The following FGD4 variants were observed in gnomAD, a reference collection of about 807,000 sequenced individuals.
The protein encoded by FGD4 is FYVE, RhoGEF and PH domain containing 4, also known as FYVE, RhoGEF and PH domain-containing protein 4.
Under a neutral mutation model 102.0 loss-of-function variants are expected in FGD4, and 42 were observed. That is an observed-to-expected ratio of 0.41 (90% confidence interval 0.32 to 0.53). The LOEUF is 0.53. Among genes scored for constraint, FGD4 ranks in the 20% least tolerant of loss-of-function variants. The pLI is 0.21. For missense variants in FGD4, 902 were observed against 1,078.2 expected (o/e 0.84, Z 2.29); for synonymous variants, 380 against 375.7 (o/e 1.01, Z -0.13).
chr12:32,415,594 T>G (rs1007206675), intron 1 of FGD4, among the ~76,000 whole-genome samples: 96 of 152,006 alleles, frequency 6.3e-4, no homozygotes, highest in African/African-American at 2.2e-3. Context: ...GGCTAATTTA[T>G]TGTATTTTTA....
At chr12:32,400,010 G>A in intron 1 of FGD4, 51 bp downstream of exon 1, 4 of 1,412,486 alleles carry the variant, frequency 2.8e-6, no homozygotes, top group Non-Finnish European at 3.7e-6. Context: ...GTAGGTGCGG[G>A]TGAGGGGCGC....
At chr12:32,523,197 T>C (rs1267463932) in intron 1 of FGD4, among the ~76,000 whole-genome samples, 2 of 152,202 alleles carry the variant, frequency 1.3e-5, no homozygotes, top group African/African-American at 2.4e-5. Context: ...TGACTAAGCA[T>C]GAGCATACAA....
chr12:32,575,850 A>G (rs2136371790), intron 2 of FGD4, among the ~76,000 whole-genome samples: 1 of 152,344 alleles, frequency 6.6e-6, no homozygotes, highest in African/African-American at 2.4e-5. Flanking sequence ...GGATTCTGGT[A>G]TATCAACTAT....
chr12:32,490,368 A>G (rs1356551257), intron 1 of FGD4, among the ~76,000 whole-genome samples: 1 of 150,094 alleles, frequency 6.7e-6, no homozygotes, highest in African/African-American at 2.4e-5. Flanking sequence ...AATAGAAAAT[A>G]TATATTGTAG....
intron 4 of FGD4, among the ~76,000 whole-genome samples, chr12:32,595,120 C>CAT (rs1947788031): frequency 6.6e-6 from 1 of 151,630 alleles, no homozygotes; most frequent in South Asian, 2.1e-4. Context: ...TGAAGGACAG[C>CAT]ATATTCCTGT....
At chr12:32,639,843 C>T in intron 16 of FGD4, among the ~76,000 whole-genome samples, 1 of 152,144 alleles carries the variant, frequency 6.6e-6, no homozygotes, top group East Asian at 1.9e-4. Flanking sequence ...ATAGTTTACT[C>T]TCCTTTATTG....
At chr12:32,631,100 T>C (rs1047245014) in intron 14 of FGD4, among the ~76,000 whole-genome samples, 2 of 152,232 alleles carry the variant, frequency 1.3e-5, no homozygotes, top group Non-Finnish European at 2.9e-5. Context: ...AAGTTCCTTA[T>C]CCAAAAATAT....
At chr12:32,531,715 A>G (rs1251559803) in intron 1 of FGD4, among the ~76,000 whole-genome samples, 1 of 152,242 alleles carries the variant, frequency 6.6e-6, no homozygotes, top group Non-Finnish European at 1.5e-5. Flanking sequence ...ATGATTATGA[A>G]TAAAGGCTCT....
chr12:32,479,383 C>T (rs995483246), intron 1 of FGD4, among the ~76,000 whole-genome samples: 6 of 151,898 alleles, frequency 4.0e-5, no homozygotes, highest in South Asian at 2.1e-4. Flanking sequence ...TTAATAGAAA[C>T]GGGGTCTCCC....
intron 4 of FGD4, among the ~76,000 whole-genome samples, chr12:32,595,581 C>G (rs1947828605): frequency 1.3e-5 from 2 of 152,252 alleles, no homozygotes; most frequent in Admixed American, 1.3e-4. Context: ...AACTTGGATT[C>G]TTACACTATT....
chr12:32,615,751 G>A (rs935257070), intron 10 of FGD4, among the ~76,000 whole-genome samples: 5 of 152,046 alleles, frequency 3.3e-5, no homozygotes, highest in African/African-American at 4.8e-5. Context: ...CCTTTATTGT[G>A]GTTTCTGCAG....
chr12:32,598,732 T>C, intron 5 of FGD4, 146 bp downstream of exon 5: 1 of 683,120 alleles, frequency 1.5e-6, no homozygotes, highest in Non-Finnish European at 2.6e-6. Flanking sequence ...CTCCAGCACT[T>C]TGAGCTTTGT....
intron 1 of FGD4, among the ~76,000 whole-genome samples, chr12:32,560,185 C>CT (rs1944424535): frequency 1.3e-5 from 2 of 152,210 alleles, no homozygotes; most frequent in Admixed American, 6.5e-5. Flanking sequence ...ATTTCACATA[C>CT]TTTTTTCCAA....
At chr12:32,500,260 G>A (rs1565779342) in intron 1 of FGD4, among the ~76,000 whole-genome samples, 1 of 152,064 alleles carries the variant, frequency 6.6e-6, no homozygotes, top group Non-Finnish European at 1.5e-5. Flanking sequence ...CATAGGCCCT[G>A]TGAGGTTTAT....
At chr12:32,463,323 A>T (rs772469765) in intron 1 of FGD4, among the ~76,000 whole-genome samples, 1 of 152,242 alleles carries the variant, frequency 6.6e-6, no homozygotes, top group Non-Finnish European at 1.5e-5. Context: ...TGTGGATTTC[A>T]TATTGAAGAT....
chr12:32,640,802 G>GT lies in FGD4; in HGVS notation c.*270dup. ...TGCTTTTTTGTCTTGAAGAAATGGT[G>GT]TATCAATTGATTCTGTCACCGTCAG... On this transcript the variant is annotated 3_prime_UTR_variant, in exon 17 of 17. Coordinates refer to ENST00000534526, the MANE Select transcript of FGD4 (RefSeq NM_001370298.3). The GT allele has an allele frequency of 1.7e-6, 1 of 600,180 alleles. No individual in the cohort carries two copies. The highest frequency in any genetic ancestry group is 2.9e-6 in the Non-Finnish European group (1 of 339,838). The allele number at this position is 600,180 out of a possible 1,614,324, so 37.2% of individuals were successfully genotyped here.
At chr12:32,492,629 A>G (rs1458500196) in intron 1 of FGD4, among the ~76,000 whole-genome samples, 1 of 152,240 alleles carries the variant, frequency 6.6e-6, no homozygotes, top group Non-Finnish European at 1.5e-5. Context: ...CAGGATGTAC[A>G]ATATGCTGCT....
chr12:32,595,417 G>A (rs1231704562), intron 4 of FGD4, among the ~76,000 whole-genome samples: 1 of 152,086 alleles, frequency 6.6e-6, no homozygotes, highest in African/African-American at 2.4e-5. Flanking sequence ...TGGAATCGTT[G>A]CTCATAGCAC....
chr12:32,624,405 A>G lies in FGD4; in HGVS notation c.1923-17A>G, dbSNP rs1950025196. On this transcript the variant is annotated splice_polypyrimidine_tract_variant and intron_variant, in intron 11 of 16. Coordinates refer to ENST00000534526, the MANE Select transcript of FGD4 (RefSeq NM_001370298.3). ...ATTAATATTATTTACATTCACTTTAATTTTGTTTTATTTTAGTTCTGCGCA... is the reference window on the plus strand; with the variant it reads ...ATTAATATTATTTACATTCACTTTAGTTTTGTTTTATTTTAGTTCTGCGCA... 12 of 1,567,722 alleles carry G rather than the reference A, an allele frequency of 7.7e-6. No homozygotes were observed. Among genetic ancestry groups the G allele is most frequent in the Non-Finnish European group, 1.1e-5 (12 of 1,140,352 alleles).
Sources: allele counts gnomAD v4.1 joint callset (sites outside exome capture counted in the v4.1 genomes callset), GRCh38; gene constraint gnomAD v4.1.1; transcripts MANE v1.5; gene names NCBI Gene and HGNC (gene_info 2026-07-23, HGNC 2026-07-21).